ZNF419: variants seen among roughly 807,000 people sequenced by gnomAD.
ZNF419 encodes the protein zinc finger protein 419A.
Under a neutral mutation model 14.9 loss-of-function variants are expected in ZNF419, and 8 were observed. That is an observed-to-expected ratio of 0.54 (90% CI 0.32 to 0.97). The LOEUF (loss-of-function observed/expected upper bound fraction) is 0.97. Among genes scored for constraint, ZNF419 ranks in the 50% least tolerant of loss-of-function variants. The pLI is 0.04. For synonymous variants in ZNF419, 211 were observed against 205.3 expected (o/e 1.03, Z -0.24); for missense variants, 595 against 607.2 (o/e 0.98, Z 0.21).
Position 57,494,223 on chromosome 19 carries a change from C to T in ZNF419, c.*133C>T. 1 of 1,302,542 alleles carries T rather than the reference C, an allele frequency of 7.7e-7. No homozygotes were observed. The highest frequency in any genetic ancestry group is 1.0e-6 in the Non-Finnish European group (1 of 961,790). 80.7% of individuals were successfully genotyped at this position (1,302,542 alleles called of 1,614,324 possible). ...GTCTCATTCAACACTGGACAGTTTACAATGTGGACAATGTAGTGAATATGG... is the reference window on the plus strand; with the variant it reads ...GTCTCATTCAACACTGGACAGTTTATAATGTGGACAATGTAGTGAATATGG... On this transcript the variant is annotated 3_prime_UTR_variant, in exon 5 of 5. Coordinates refer to ENST00000221735, the MANE Select transcript of ZNF419 (RefSeq NM_024691.4).
intron 4 of ZNF419, chr19:57,492,630 C>T: frequency 1.3e-6 from 1 of 765,968 alleles, no homozygotes; most frequent in Non-Finnish European, 2.4e-6. Flanking sequence ...CCTCCCTGTG[C>T]TATACCCCAT....
rs1322280172 is a variant in ZNF419, at chr19:57,493,619, C to G, written c.1062C>G (p.His354Gln). Residue 354 changes from histidine to glutamine, a missense_variant, in exon 5 of 5, where the codon CAC (histidine) becomes CAG (glutamine). Coordinates refer to ENST00000221735, the MANE Select transcript of ZNF419 (RefSeq NM_024691.4). Reference sequence around the variant, plus strand: ...GTGAATGTGGAAAATTCTATAGCCACAAGTCCAACCTTATCAAACATTGGC... The same window carrying G: ...GTGAATGTGGAAAATTCTATAGCCAGAAGTCCAACCTTATCAAACATTGGC... ...KCSECGKFYS[H>Q]KSNLIKHWRV... 6 of 1,613,876 alleles carry G rather than the reference C, an allele frequency of 3.7e-6. No homozygotes were observed. The highest frequency in any genetic ancestry group is 5.1e-6 in the Non-Finnish European group (6 of 1,179,946).
chr19:57,491,455 C>G lies in ZNF419; in HGVS notation c.73-16C>G, dbSNP rs1742302180. The G allele has an allele frequency of 2.5e-6, 4 of 1,612,966 alleles. No individual in the cohort carries two copies. The highest frequency in any genetic ancestry group is 1.7e-5 in the Admixed American group (1 of 59,968). On this transcript the variant is annotated splice_polypyrimidine_tract_variant and intron_variant, in intron 2 of 4. Transcript: ENST00000221735. ...AAGGAGGCTGCAGATAAACTCTACTCTGTCCATCTTAGCAGGGCTATGTGA... is the reference window on the plus strand; with the variant it reads ...AAGGAGGCTGCAGATAAACTCTACTGTGTCCATCTTAGCAGGGCTATGTGA...
At position 57,492,777 on chromosome 19, in the gene ZNF419, G is replaced by T. The variant is rs569222427; in HGVS notation, c.299-79G>T. 250 of 1,575,668 alleles carry T rather than the reference G, an allele frequency of 1.6e-4. 1 individual carries two copies. In the South Asian group the frequency reaches 2.7e-3, roughly 17 times the overall value. On this transcript the variant is annotated intron_variant, in intron 4 of 4. Coordinates refer to ENST00000221735, the MANE Select transcript of ZNF419 (RefSeq NM_024691.4). ...CAGCCCCAGGCACTAATTACTGGGTGTGTTAGACACATCTGTGAGAGTGCT... is the reference window on the plus strand; with the variant it reads ...CAGCCCCAGGCACTAATTACTGGGTTTGTTAGACACATCTGTGAGAGTGCT...
Position 57,493,133 on chromosome 19 carries a change from T to C in ZNF419, c.576T>C (p.Ser192=). The C allele has an allele frequency of 6.2e-7, 1 of 1,613,952 alleles. No individual in the cohort carries two copies. Among genetic ancestry groups the C allele is most frequent in the South Asian group, 1.1e-5 (1 of 91,066 alleles). Residue 192 remains serine (S), a synonymous_variant, in exon 5 of 5, where the codon AGT becomes AGC. Coordinates refer to ENST00000221735, the MANE Select transcript of ZNF419 (RefSeq NM_024691.4). ...AGAAGTCACATAGGAGCTCCAAAAG[T>C]AGGGAGGCCTTTCATGCTGGAAAAA... is the stretch of plus-strand genomic sequence containing the variant. ...TGEKSHRSSK[S]REAFHAGKRH...
chr19:57,487,924 C>T lies in ZNF419; in HGVS notation c.-27C>T. On this transcript the variant is annotated 5_prime_UTR_variant, in exon 1 of 5. Transcript: ENST00000221735. ...CGGGCCCTTTCCTCGGTCATTGTCTCCCCTCCAGCTCTACTCACAGGCTCC... is the reference window on the plus strand; with the variant it reads ...CGGGCCCTTTCCTCGGTCATTGTCTTCCCTCCAGCTCTACTCACAGGCTCC... 1.9e-6 allele frequency: 3 copies of T among 1,613,850 alleles called. No homozygotes were observed. The highest frequency in any genetic ancestry group is 2.5e-6 in the Non-Finnish European group (3 of 1,179,862).
At chr19:57,491,422 T>G in intron 2 of ZNF419, 49 bp from the exon 3 acceptor site, 11 of 1,606,246 alleles carry the variant, frequency 6.8e-6, no homozygotes, top group Non-Finnish European at 9.4e-6. Context: ...ATGCCTAAAT[T>G]TCCCAGTAAG....
At chr19:57,488,690 C>G (rs537021794) in intron 1 of ZNF419, 6 of 152,442 alleles carry the variant, frequency 3.9e-5, no homozygotes, top group African/African-American at 1.2e-4. Flanking sequence ...ACATGGGCAG[C>G]TTGCCCACTC....
intron 4 of ZNF419, chr19:57,492,596 G>C (rs1289296066): frequency 4.0e-6 from 3 of 750,404 alleles, no homozygotes; most frequent in Non-Finnish European, 4.9e-6. Flanking sequence ...ATTTGCAGAG[G>C]ATTGTGTTGG....
intron 1 of ZNF419, 68 bp downstream of exon 1, chr19:57,488,051 C>A: frequency 6.2e-7 from 1 of 1,604,874 alleles, no homozygotes; most frequent in Non-Finnish European, 8.5e-7. Context: ...GCTCAGGTCC[C>A]CGGGTGCAGA....
At chr19:57,491,732 G>A (rs369932920) in intron 3 of ZNF419, 135 bp downstream of exon 3, 2 of 1,251,418 alleles carry the variant, frequency 1.6e-6, no homozygotes, top group Non-Finnish European at 2.3e-6. Context: ...AGTAGCTATT[G>A]TAATAGGCCT....
chr19:57,494,062 G>C lies in ZNF419; in HGVS notation c.1505G>C (p.Arg502Pro). 6.2e-7 allele frequency: 1 copy of C among 1,610,194 alleles called. No homozygotes were observed. The highest frequency in any genetic ancestry group is 2.2e-5 in the East Asian group (1 of 44,862). Residue 502 changes from arginine (R) to proline (P), a missense_variant, in exon 5 of 5, where the codon CGA becomes CCA. Physicochemically the swap from Arg to Pro is moderately radical, Grantham distance 103 (BLOSUM62 -2). Coordinates refer to ENST00000221735, the MANE Select transcript of ZNF419 (RefSeq NM_024691.4). ...CACAACTCCAGTCTTTTTAAACATC[G>C]AAGGATTCACACTGGAGAAATGCAG... Reference protein sequence around the residue: ...FRHNSSLFKHRRIHTGEMQ With the variant: ...FRHNSSLFKHPRIHTGEMQ
In ZNF419 at chr19:57,494,116, T is replaced by C. The variant is rs780764342; in HGVS notation, c.*26T>C. 1.3e-6 allele frequency: 2 copies of C among 1,550,188 alleles called. No homozygotes were observed. The highest frequency in any genetic ancestry group is 2.1e-5 in the Admixed American group (1 of 47,446). ...TTGTGTGAAATCCTTTAGCCAGCGT[T>C]TCAACCTCATTCAACACCAGAAAGT... On this transcript the variant is annotated 3_prime_UTR_variant, in exon 5 of 5. Transcript: ENST00000221735.
rs199940385 is a variant in ZNF419, at chr19:57,493,477, A to C, written c.920A>C (p.Lys307Thr). The C allele has an allele frequency of 2.5e-6, 4 of 1,613,612 alleles. No homozygotes were observed. Among genetic ancestry groups the C allele is most frequent in the Non-Finnish European group, 3.4e-6 (4 of 1,179,932 alleles). ...AATTCCACACTTGTTCAGCATCACA[A>C]AATCCACACTGGAGTAAGGCCTTAT... Reference protein sequence around the residue: ...RHNSTLVQHHKIHTGVRPYEC... With the variant: ...RHNSTLVQHHTIHTGVRPYEC... Residue 307 changes from lysine (K) to threonine (T), a missense_variant, in exon 5 of 5, where the codon AAA (lysine) becomes ACA (threonine). Lys to Thr is a moderately conservative substitution (Grantham distance 78, BLOSUM62 -1). Coordinates refer to ENST00000221735, the MANE Select transcript of ZNF419 (RefSeq NM_024691.4).
In ZNF419 at chr19:57,490,319, A is replaced by G. The variant is rs533825631; in HGVS notation, c.72+134A>G. Reference sequence around the variant, plus strand: ...TTTGAGTTCCCTGGAAGATGGTCACACACAGTCAGGGCCCTGAGTCCAGAC... The same window carrying G: ...TTTGAGTTCCCTGGAAGATGGTCACGCACAGTCAGGGCCCTGAGTCCAGAC... On this transcript the variant is annotated intron_variant, in intron 2 of 4. Coordinates refer to ENST00000221735, the MANE Select transcript of ZNF419 (RefSeq NM_024691.4). 23 of 739,426 alleles carry G rather than the reference A, an allele frequency of 3.1e-5. No individual in the cohort carries two copies. The African/African-American group carries it at 3.9e-4, about 12-fold the overall frequency. 45.8% of individuals were successfully genotyped at this position (739,426 alleles called of 1,614,324 possible).
Position 57,487,788 on chromosome 19 carries a change from G to T in ZNF419, c.-163G>T. On this transcript the variant is annotated 5_prime_UTR_variant, in exon 1 of 5. Coordinates refer to ENST00000221735, the MANE Select transcript of ZNF419 (RefSeq NM_024691.4). ...GCGACTCAGGTGAACTAACCTGCGA[G>T]AAGCTGGTTGTGCGCTGAGGCGACC... The T allele has an allele frequency of 1.0e-6, 1 of 960,994 alleles. No homozygotes were observed. The highest frequency in any genetic ancestry group is 1.6e-6 in the Non-Finnish European group (1 of 624,484). The allele number at this position is 960,994 out of a possible 1,614,324, so 59.5% of individuals were successfully genotyped here. A position where few individuals can be genotyped will look rare whatever the true frequency, so the allele number is the denominator to read the frequency against.
chr19:57,489,893 T>C (rs1478442241), intron 1 of ZNF419: 2 of 499,972 alleles, frequency 4.0e-6, no homozygotes, highest in Non-Finnish European at 3.6e-6. Flanking sequence ...CCTAGACACA[T>C]AAGAATGAGT....
chr19:57,488,010 C>T (rs374962089), intron 1 of ZNF419, 27 bp downstream of exon 1: 214 of 1,613,328 alleles, frequency 1.3e-4, no homozygotes, highest in East Asian at 4.9e-4. Flanking sequence ...CCTGGCCTCC[C>T]CCGAATCCTA....
Position 57,487,828 on chromosome 19 carries a change from C to G in ZNF419, c.-123C>G. ...CTGAGGCGACCAGCGCCGGAAGGCA[C>G]GGTGGCGACTCACGCTGTTCTCGCC... On this transcript the variant is annotated 5_prime_UTR_variant, in exon 1 of 5. Transcript: ENST00000221735. 9.1e-6 allele frequency: 13 copies of G among 1,424,504 alleles called. No homozygotes were observed. Among genetic ancestry groups the G allele is most frequent in the Non-Finnish European group, 1.3e-5 (13 of 1,015,010 alleles). The allele number at this position is 1,424,504 out of a possible 1,614,324, so 88.2% of individuals were successfully genotyped here.
Sources: gnomAD v4.1 joint callset for allele counts on GRCh38, gnomAD v4.1.1 for gene constraint, MANE v1.5 for transcripts, NCBI Gene and HGNC (gene_info 2026-07-23, HGNC 2026-07-21) for gene names.